CACNB4: variants seen among roughly 807,000 people sequenced by gnomAD.
The protein encoded by CACNB4 is voltage-dependent L-type calcium channel subunit beta-4.
In CACNB4, 32 loss-of-function variants were observed where a neutral mutation model predicts 71.2. The observed-to-expected ratio is 0.45, with a 90% CI of 0.34 to 0.60. CACNB4 has a LOEUF of 0.60. Among genes scored for constraint, CACNB4 ranks in the 20% least tolerant of loss-of-function variants. The probability of loss-of-function intolerance (pLI) is 0.01; values close to 1 mark genes in which losing one functional copy is unlikely to be tolerated. For missense variants in CACNB4, 464 were observed against 647.9 expected, an observed-to-expected ratio of 0.72 and a Z score of 3.08; for synonymous variants, 231 against 236.9, an observed-to-expected ratio of 0.97 and a Z score of 0.23.
intron 12 of CACNB4, among the ~76,000 whole-genome samples, chr2:151,843,285 C>A (rs1427353539): frequency 3.9e-5 from 6 of 152,244 alleles, no homozygotes; most frequent in Non-Finnish European, 8.8e-5. Flanking sequence ...AGTCATTCCA[C>A]AGGTAAGTGT....
chr2:151,925,937 A>G (rs914514861), intron 2 of CACNB4, among the ~76,000 whole-genome samples: 5 of 152,188 alleles, frequency 3.3e-5, no homozygotes, highest in African/African-American at 1.2e-4. Flanking sequence ...GATGTGAAAG[A>G]CCACAGGAAA....
At chr2:151,857,643 C>T (rs1158649425) in intron 10 of CACNB4, 2 of 152,178 alleles carry the variant, frequency 1.3e-5, no homozygotes, top group African/African-American at 2.4e-5. Context: ...AGCTCCTGGC[C>T]AGGACTACAT....
chr2:151,896,605 A>G (rs2099852130), intron 2 of CACNB4, among the ~76,000 whole-genome samples: 1 of 152,192 alleles, frequency 6.6e-6, no homozygotes, highest in Admixed American at 6.5e-5. Context: ...GGAGTGGTAC[A>G]GGCCCATACT....
At chr2:152,048,878 G>A (rs539836748) in intron 2 of CACNB4, 1 of 152,392 alleles carries the variant, frequency 6.6e-6, no homozygotes, top group East Asian at 1.9e-4. Flanking sequence ...GAGGGTAAAA[G>A]AAAGAAGAGA....
intron 2 of CACNB4, among the ~76,000 whole-genome samples, chr2:152,082,182 G>C (rs1235756526): frequency 6.6e-6 from 1 of 152,128 alleles, no homozygotes; most frequent in Non-Finnish European, 1.5e-5. Flanking sequence ...TCTATTCTTT[G>C]CACATCCTTT....
rs1449678186 is a variant in CACNB4, at chr2:151,870,215, G to C, written c.699+316C>G. Reference sequence around the variant, plus strand: ...ATTCTCTATTACTTCTAATAATAATGAGAATGGTCAAGACAGATAAAGTCC... The same window carrying C: ...ATTCTCTATTACTTCTAATAATAATCAGAATGGTCAAGACAGATAAAGTCC... On this transcript the variant is annotated intron_variant, in intron 8 of 13. Transcript: ENST00000539935. The C allele has an allele frequency of 5.7e-6, 4 of 697,612 alleles. No homozygotes were observed. In the South Asian group the frequency reaches 6.0e-5, roughly 10 times the overall value. 43.2% of individuals were successfully genotyped at this position (697,612 alleles called of 1,614,324 possible). A position where few individuals can be genotyped will look rare whatever the true frequency, so the allele number is the denominator to read the frequency against.
intron 2 of CACNB4, among the ~76,000 whole-genome samples, chr2:152,080,356 C>T (rs983433900): frequency 2.0e-5 from 3 of 152,020 alleles, no homozygotes; most frequent in Non-Finnish European, 4.4e-5. Context: ...CTCCTGACCT[C>T]GTGATCCCCC....
chr2:151,994,041 G>A (rs1681888582), intron 2 of CACNB4, among the ~76,000 whole-genome samples: 1 of 151,768 alleles, frequency 6.6e-6, no homozygotes, highest in Non-Finnish European at 1.5e-5. Flanking sequence ...GTATGGTGGT[G>A]TGTGCCTGTA....
intron 2 of CACNB4, among the ~76,000 whole-genome samples, chr2:152,084,037 C>T (rs4664526): frequency 0.99 from 151,368 of 152,354 alleles, 75,207 homozygotes; most frequent in Middle Eastern, 1. Context: ...GTGAGTATGG[C>T]GTAACTGAGC....
At chr2:151,876,849 G>A (rs1050528964) in intron 4 of CACNB4, among the ~76,000 whole-genome samples, 14 of 111,922 alleles carry the variant, frequency 1.3e-4, no homozygotes, top group African/African-American at 3.7e-4. Context: ...TTGTATATGT[G>A]TATATATCTA....
chr2:151,888,868 C>G (rs2099850040), intron 2 of CACNB4, among the ~76,000 whole-genome samples: 1 of 152,216 alleles, frequency 6.6e-6, no homozygotes. Flanking sequence ...GCTGATACTA[C>G]TAAACCAGCG....
intron 13 of CACNB4, 40 bp downstream of exon 13, chr2:151,841,863 T>C (rs372811821): frequency 3.2e-6 from 5 of 1,561,360 alleles, no homozygotes; most frequent in Non-Finnish European, 4.4e-6. Context: ...GAATTTTACA[T>C]GTAAGGTTGT....
chr2:151,932,127 TTA>T, intron 2 of CACNB4, among the ~76,000 whole-genome samples: 1 of 152,226 alleles, frequency 6.6e-6, no homozygotes, highest in East Asian at 1.9e-4. Context: ...ACTTTTGCTT[TTA>T]TATATCACTG....
chr2:151,901,571 AC>A (rs1249309775), intron 2 of CACNB4, among the ~76,000 whole-genome samples: 1 of 152,186 alleles, frequency 6.6e-6, no homozygotes, highest in East Asian at 1.9e-4. Context: ...TAGAAAAAAA[AC>A]AAAACAAACA....
intron 2 of CACNB4, among the ~76,000 whole-genome samples, chr2:151,949,732 A>G (rs981155985): frequency 4.6e-5 from 7 of 152,156 alleles, no homozygotes; most frequent in Middle Eastern, 3.2e-3. Context: ...GGTAAATAAC[A>G]TGATCAGATT....
Position 151,842,054 on chromosome 2 carries a change from A to G in CACNB4, c.1151T>C (p.Leu384Pro), listed in dbSNP as rs1226057391. The change falls in exon 13 of 14, where the codon CTT becomes CCT. Residue 384 changes from leucine to proline, a missense_variant. Physicochemically the swap from Leu to Pro is moderately conservative, Grantham distance 98. This residue lies in a region of CACNB4 where 299 missense variants were observed against 471.7 expected (regional missense o/e 0.63). Transcript: ENST00000539935. ...CCCTAGATGTTCACATGCATCCTCA[A>G]GCTGATTTTCATCCAATATAACATC... The part of the protein sequence containing the change: ...MFDVILDENQ[L>P]EDACEHLGEY... The G allele has an allele frequency of 6.2e-7, 1 of 1,613,824 alleles. No homozygotes were observed. The highest frequency in any genetic ancestry group is 8.5e-7 in the Non-Finnish European group (1 of 1,179,864).
chr2:152,036,640 T>G (rs1684611416), intron 2 of CACNB4, among the ~76,000 whole-genome samples: 2 of 152,204 alleles, frequency 1.3e-5, no homozygotes, highest in Non-Finnish European at 2.9e-5. Context: ...ATTAATTTTT[T>G]TTAAAGTGTT....
chr2:151,864,064 T>A (rs1312133426), intron 9 of CACNB4, among the ~76,000 whole-genome samples: 3 of 152,220 alleles, frequency 2.0e-5, no homozygotes, highest in Non-Finnish European at 1.5e-5. Context: ...ATACTTTTTT[T>A]AACTTAAAGT....
Position 151,839,290 on chromosome 2 carries a change from A to G in CACNB4, c.1392T>C (p.Asn464=). The G allele has an allele frequency of 6.2e-7, 1 of 1,613,662 alleles. No homozygotes were observed. The highest frequency in any genetic ancestry group is 8.5e-7 in the Non-Finnish European group (1 of 1,179,614). The change falls in exon 14 of 14, where the codon AAT becomes AAC. Residue 464 remains asparagine (N), a synonymous_variant. Coordinates refer to ENST00000539935, the MANE Select transcript of CACNB4 (RefSeq NM_000726.5). ...GGTTCCTACTCTTCCGAGCCCTTTC[A>G]TTGTGATAATTTTCATCAGAGGTCA... ...SLMTSDENYH[N]ERARKSRNRL...
Sources: gnomAD v4.1 joint callset for allele counts (sites outside exome capture counted in the v4.1 genomes callset) on GRCh38, gnomAD v4.1.1 for gene constraint, gnomAD v4.1.1 regional missense constraint, MANE v1.5 for transcripts, NCBI Gene and HGNC (gene_info 2026-07-23, HGNC 2026-07-21) for gene names.